VTA1: variants seen among roughly 807,000 people sequenced by gnomAD.
VTA1 encodes vacuolar protein sorting-associated protein VTA1 homolog.
Under a neutral mutation model 36.9 loss-of-function variants are expected in VTA1, and 24 were observed. The ratio of observed to expected loss-of-function variants is 0.65; its 90% CI spans 0.47 to 0.91. The LOEUF (loss-of-function observed/expected upper bound fraction) is 0.91, where lower values mean the gene tolerates loss of function less well. VTA1 is among the 40% of genes least tolerant of loss of function. The pLI is 0.00. For missense variants in VTA1, 393 were observed against 377.2 expected, an observed-to-expected ratio of 1.04 and a Z score of -0.35; for synonymous variants, 142 against 130.2, an observed-to-expected ratio of 1.09 and a Z score of -0.62.
At chr6:142,153,862 A>G (rs897363839) in intron 1 of VTA1, among the ~76,000 whole-genome samples, 1 of 152,110 alleles carries the variant, frequency 6.6e-6, no homozygotes, top group African/African-American at 2.4e-5. Flanking sequence ...TGTGCAGCAC[A>G]TGTAGTTGTA....
At chr6:142,196,926 A>G (rs1262561955) in intron 5 of VTA1, among the ~76,000 whole-genome samples, 1 of 152,072 alleles carries the variant, frequency 6.6e-6, no homozygotes, top group East Asian at 1.9e-4. Context: ...AGGGCCCCCT[A>G]GAGTCTTACC....
intron 6 of VTA1, among the ~76,000 whole-genome samples, chr6:142,199,325 G>T (rs1775632967): frequency 6.6e-6 from 1 of 152,040 alleles, no homozygotes; most frequent in Non-Finnish European, 1.5e-5. Context: ...TAATTGCATT[G>T]TTGACAAAAT....
chr6:142,159,158 G>C (rs972102941), intron 1 of VTA1, among the ~76,000 whole-genome samples: 13 of 152,110 alleles, frequency 8.5e-5, no homozygotes, highest in African/African-American at 3.1e-4. Flanking sequence ...TCAGGAGTTG[G>C]AGACCAGCCT....
intron 4 of VTA1, among the ~76,000 whole-genome samples, chr6:142,184,234 A>G (rs889645748): frequency 6.6e-6 from 1 of 152,160 alleles, no homozygotes; most frequent in Non-Finnish European, 1.5e-5. Context: ...CTGAGTTGCA[A>G]ATTGCAGCGT....
intron 7 of VTA1, among the ~76,000 whole-genome samples, chr6:142,211,727 A>AC (rs1775908439): frequency 6.6e-6 from 1 of 151,990 alleles, no homozygotes; most frequent in Admixed American, 6.6e-5. Context: ...AAAAAAAAAA[A>AC]AATGAAAGGA....
chr6:142,170,325 C>CG (rs747555126), intron 3 of VTA1, 21 bp from the exon 4 acceptor site: 2 of 1,419,780 alleles, frequency 1.4e-6, no homozygotes, highest in African/African-American at 6.2e-5. Flanking sequence ...TTAAACTAGA[C>CG]CGCTCTCTTT....
In VTA1 at chr6:142,212,571, T is replaced by C. The variant is rs545506317; in HGVS notation, c.779-5927T>C. 2.0e-5 allele frequency among the ~76,000 whole-genome samples: 3 copies of C among 152,146 alleles called. No individual in the cohort carries two copies. The East Asian group carries it at 5.8e-4, about 29-fold the overall frequency. ...GTTTTAGGGCAGTGAATCTATTTTG[T>C]ATGACACTGTGTTTTAGTCTGTTCT... On this transcript the variant is annotated intron_variant, in intron 7 of 7. Coordinates refer to ENST00000367630, the MANE Select transcript of VTA1 (RefSeq NM_016485.5).
intron 4 of VTA1, among the ~76,000 whole-genome samples, chr6:142,184,336 A>C (rs1302746773): frequency 1.3e-5 from 2 of 152,110 alleles, no homozygotes; most frequent in Non-Finnish European, 2.9e-5. Flanking sequence ...TACTTTTGTA[A>C]TGACATTTCT....
chr6:142,205,615 A>G (rs1443461989), intron 7 of VTA1, among the ~76,000 whole-genome samples: 1 of 152,160 alleles, frequency 6.6e-6, no homozygotes, highest in Non-Finnish European at 1.5e-5. Flanking sequence ...TTCTTTAGAT[A>G]CTCCAAAGAA....
chr6:142,188,522 A>G (rs559474019), intron 4 of VTA1, among the ~76,000 whole-genome samples: 2 of 152,200 alleles, frequency 1.3e-5, no homozygotes, highest in South Asian at 2.1e-4. Flanking sequence ...TTCAAATAGT[A>G]AAACCACGTT....
At chr6:142,189,759 CTT>C (rs1331061039) in intron 5 of VTA1, among the ~76,000 whole-genome samples, 2 of 144,096 alleles carry the variant, frequency 1.4e-5, no homozygotes, top group Non-Finnish European at 1.5e-5. Context: ...CTGTCTCCTG[CTT>C]TTTTTTTTTT....
chr6:142,179,606 A>C (rs887254450), intron 4 of VTA1, among the ~76,000 whole-genome samples: 53 of 152,260 alleles, frequency 3.5e-4, no homozygotes, highest in African/African-American at 1.3e-3. Context: ...AAGTATACAA[A>C]CTATATGATT....
At chr6:142,197,876 C>G (rs1775584424) in intron 5 of VTA1, among the ~76,000 whole-genome samples, 1 of 149,748 alleles carries the variant, frequency 6.7e-6, no homozygotes, top group Admixed American at 6.7e-5. Context: ...AGATTGAGAC[C>G]ATCCTGGCTA....
Position 142,218,553 on chromosome 6 carries a change from T to C in VTA1, c.834T>C (p.Tyr278=), listed in dbSNP as rs1208679703. ...CTAGAGCTCAGAAGTACTGCAAATA[T>C]GCTGGCAGTGCTTTGCAGTATGAAG... ...DFARAQKYCK[Y]AGSALQYEDV... is the part of the protein sequence containing the mutation. The change falls in exon 8 of 8, where the codon TAT becomes TAC. Residue 278 remains tyrosine (Y), a synonymous_variant. Transcript: ENST00000367630. The C allele has an allele frequency of 1.9e-6, 3 of 1,613,770 alleles. No homozygotes were observed. Among genetic ancestry groups the C allele is most frequent in the Non-Finnish European group, 2.5e-6 (3 of 1,179,806 alleles).
intron 4 of VTA1, among the ~76,000 whole-genome samples, chr6:142,185,973 G>A (rs1184960158): frequency 1.3e-5 from 2 of 152,206 alleles, no homozygotes; most frequent in African/African-American, 2.4e-5. Flanking sequence ...TGTAAGGTAT[G>A]TGGGTGTTTT....
chr6:142,167,719 C>A (rs545930618), intron 2 of VTA1, among the ~76,000 whole-genome samples: 10 of 152,194 alleles, frequency 6.6e-5, no homozygotes, highest in Non-Finnish European at 1.2e-4. Flanking sequence ...CAAAATCAGC[C>A]TCATGGCAGC....
chr6:142,177,374 T>C (rs563960705), intron 4 of VTA1, among the ~76,000 whole-genome samples: 1 of 152,214 alleles, frequency 6.6e-6, no homozygotes, highest in Non-Finnish European at 1.5e-5. Flanking sequence ...TAAGCCTGTT[T>C]CAACATACGT....
chr6:142,194,071 T>A (rs1775500916), intron 5 of VTA1, among the ~76,000 whole-genome samples: 1 of 152,072 alleles, frequency 6.6e-6, no homozygotes, highest in African/African-American at 2.4e-5. Flanking sequence ...TCCAGTGATA[T>A]GGGGCATGTC....
At chr6:142,152,109 A>AT (rs35388230) in intron 1 of VTA1, among the ~76,000 whole-genome samples, 31,584 of 147,830 alleles carry the variant, frequency 0.21, 4,239 homozygotes, top group East Asian at 0.68. Flanking sequence ...TGTTATTACT[A>AT]TTTTTTTTTT....
Sources: allele counts gnomAD v4.1 joint callset (sites outside exome capture counted in the v4.1 genomes callset), GRCh38; gene constraint gnomAD v4.1.1; transcripts MANE v1.5; gene names NCBI Gene and HGNC (gene_info 2026-07-23, HGNC 2026-07-21).